NID1: variants seen among roughly 807,000 people sequenced by gnomAD.
The protein encoded by NID1 is nidogen 1.
A neutral mutation model predicts 130.6 loss-of-function variants in NID1; 76 were observed. The observed-to-expected ratio is 0.58, with a 90% CI of 0.48 to 0.70. The LOEUF (loss-of-function observed/expected upper bound fraction) is 0.70. NID1 is among the 30% of genes least tolerant of loss of function. NID1 has a pLI of 0.00. For missense variants in NID1, 1,517 were observed against 1,664.8 expected (o/e 0.91, Z 1.54); for synonymous variants, 665 against 675.1 (o/e 0.98, Z 0.23).
intron 14 of NID1, among the ~76,000 whole-genome samples, chr1:235,985,724 TTGTGTGTG>T (rs759787113): frequency 1.4e-5 from 2 of 147,588 alleles, no homozygotes; most frequent in South Asian, 2.2e-4. Flanking sequence ...GTATAGGAAT[TTGTGTGTG>T]TGTGTGTGTG....
chr1:236,051,275 C>T (rs956409755), intron 1 of NID1, among the ~76,000 whole-genome samples: 2 of 149,316 alleles, frequency 1.3e-5, no homozygotes, highest in African/African-American at 5.0e-5. Context: ...CCCTCCCCCT[C>T]CCCTCCCTCC....
rs375586556 is a variant in NID1 at position 236,032,594 on chromosome 1, C to A, written c.1344G>T (p.Gln448His). 6.2e-7 allele frequency: 1 copy of A among 1,614,040 alleles called. No individual in the cohort carries two copies. The highest frequency in any genetic ancestry group is 8.5e-7 in the Non-Finnish European group (1 of 1,180,044). Residue 448 changes from glutamine (Q) to histidine (H), a missense_variant, in exon 6 of 20, where the codon CAG becomes CAT. By Grantham distance (24) the Gln-to-His change is conservative (BLOSUM62 0). Transcript: ENST00000264187. ...VKGRIFVGSSQVPIVFENTDL... is the reference protein window; with the variant it reads ...VKGRIFVGSSHVPIVFENTDL... Reference sequence around the variant, plus strand: ...CAGTGTTCTCAAAGACAATGGGGACCTGGCTGCTCCCCACAAAGATCCTTC... The same window carrying A: ...CAGTGTTCTCAAAGACAATGGGGACATGGCTGCTCCCCACAAAGATCCTTC...
At chr1:236,051,379 ACT>A (rs1038510224) in intron 1 of NID1, among the ~76,000 whole-genome samples, 1 of 151,998 alleles carries the variant, frequency 6.6e-6, no homozygotes, top group Non-Finnish European at 1.5e-5. Context: ...TAAAGACCAA[ACT>A]CTAAACATGC....
Position 236,002,367 on chromosome 1 carries a change from G to C in NID1, c.2528-8495C>G, listed in dbSNP as rs1658099103. On this transcript the variant is annotated intron_variant, in intron 12 of 19. Coordinates refer to ENST00000264187, the MANE Select transcript of NID1 (RefSeq NM_002508.3). ...AAAACACAAAAATTAGCCAGGCGCA[G>C]TGGCACATGCCTGTAATCCCAGCTA... Among the ~76,000 whole-genome samples the C allele has an allele frequency of 6.6e-5, 10 of 152,352 alleles. No individual in the cohort carries two copies. The South Asian group carries it at 2.1e-3, about 32-fold the overall frequency.
intron 5 of NID1, among the ~76,000 whole-genome samples, chr1:236,035,062 A>G (rs1235849145): frequency 7.1e-6 from 1 of 140,852 alleles, no homozygotes; most frequent in East Asian, 2.1e-4. Context: ...TTACATATGT[A>G]TACATGTGTC....
chr1:235,980,959 T>C (rs1355671699), intron 16 of NID1, among the ~76,000 whole-genome samples: 2 of 152,138 alleles, frequency 1.3e-5, no homozygotes, highest in Non-Finnish European at 2.9e-5. Flanking sequence ...CTGGCATAAA[T>C]ATATGGAATT....
intron 12 of NID1, among the ~76,000 whole-genome samples, chr1:236,006,608 G>A (rs1658255947): frequency 6.6e-6 from 1 of 152,340 alleles, no homozygotes; most frequent in Middle Eastern, 3.4e-3. Context: ...AGAAAAATGA[G>A]CAGCACCAAA....
intron 4 of NID1, among the ~76,000 whole-genome samples, chr1:236,040,782 G>T (rs774694693): frequency 6.6e-6 from 1 of 151,874 alleles, no homozygotes; most frequent in Non-Finnish European, 1.5e-5. Flanking sequence ...TCTGGCCTCA[G>T]CCTCCAGATT....
At position 235,993,876 on chromosome 1, in the gene NID1, T is replaced by A; in HGVS notation, c.2528-4A>T. The A allele has an allele frequency of 6.2e-7, 1 of 1,604,276 alleles. No homozygotes were observed. Among genetic ancestry groups the A allele is most frequent in the Non-Finnish European group, 8.5e-7 (1 of 1,172,046 alleles). Reference sequence around the variant, plus strand: ...TGGCACCGGGTTTTCTCCACCTCTATCAGAGAAACAGGCAACAAGAAAGCT... The same window carrying A: ...TGGCACCGGGTTTTCTCCACCTCTAACAGAGAAACAGGCAACAAGAAAGCT... On this transcript the variant is annotated splice_region_variant and splice_polypyrimidine_tract_variant and intron_variant, in intron 12 of 19. Transcript: ENST00000264187.
At chr1:236,021,180 TCA>T (rs149709343) in intron 9 of NID1, among the ~76,000 whole-genome samples, 4 of 151,078 alleles carry the variant, frequency 2.6e-5, no homozygotes, top group Admixed American at 6.6e-5. Flanking sequence ...GGGCTCCCGT[TCA>T]CACACACACA....
chr1:236,027,127 A>G (rs368008368), intron 7 of NID1, among the ~76,000 whole-genome samples: 1 of 152,210 alleles, frequency 6.6e-6, no homozygotes, highest in African/African-American at 2.4e-5. Flanking sequence ...TTCAGTAGCC[A>G]GGTTTGGAAA....
intron 11 of NID1, among the ~76,000 whole-genome samples, chr1:236,012,267 A>T (rs1658449864): frequency 6.6e-6 from 1 of 152,172 alleles, no homozygotes; most frequent in African/African-American, 2.4e-5. Context: ...TTCATGAAAA[A>T]TGTTTTTGGC....
chr1:236,059,045 C>T (rs1659971877), intron 1 of NID1, among the ~76,000 whole-genome samples: 1 of 152,120 alleles, frequency 6.6e-6, no homozygotes, highest in South Asian at 2.1e-4. Context: ...TACAACCATC[C>T]CTCTTTTCGC....
At chr1:236,042,729 C>T (rs1395713690) in intron 3 of NID1, among the ~76,000 whole-genome samples, 1 of 152,244 alleles carries the variant, frequency 6.6e-6, no homozygotes, top group Non-Finnish European at 1.5e-5. Context: ...CATGTTTGGT[C>T]TCTGTCCTCA....
chr1:236,060,703 T>C (rs970510023), intron 1 of NID1: 11 of 151,740 alleles, frequency 7.2e-5, no homozygotes, highest in Non-Finnish European at 1.0e-4. Flanking sequence ...GTGGGTTATC[T>C]GAACTTATTA....
intron 2 of NID1, among the ~76,000 whole-genome samples, chr1:236,046,697 C>T (rs1659612292): frequency 6.6e-6 from 1 of 151,966 alleles, no homozygotes; most frequent in South Asian, 2.1e-4. Context: ...CAGATTAGGC[C>T]CAAGAGGCAA....
At chr1:236,046,813 T>A (rs1283086829) in intron 2 of NID1, among the ~76,000 whole-genome samples, 4 of 152,198 alleles carry the variant, frequency 2.6e-5, no homozygotes, top group Non-Finnish European at 5.9e-5. Context: ...CTCAGACAGA[T>A]AACAGTTGGC....
chr1:236,013,368 T>C (rs1378587921), intron 11 of NID1, 43 bp downstream of exon 11: 1 of 1,606,672 alleles, frequency 6.2e-7, no homozygotes, highest in Admixed American at 1.7e-5. Context: ...CCTAGGAAAC[T>C]TTCTCAGGTT....
At chr1:236,038,496 A>G (rs574659493) in intron 4 of NID1, among the ~76,000 whole-genome samples, 4 of 152,290 alleles carry the variant, frequency 2.6e-5, no homozygotes, top group African/African-American at 7.2e-5. Flanking sequence ...GAGTTGAGAA[A>G]TCACAAGGTG....
Sources: allele counts gnomAD v4.1 joint callset (sites outside exome capture counted in the v4.1 genomes callset), GRCh38; gene constraint gnomAD v4.1.1; transcripts MANE v1.5; gene names NCBI Gene and HGNC (gene_info 2026-07-23, HGNC 2026-07-21).